Variants in CLEC2A observed in about 807,000 individuals in gnomAD.
The protein encoded by CLEC2A is C-type lectin domain family 2 member A.
A neutral mutation model predicts 18.6 loss-of-function variants in CLEC2A; 19 were observed. The ratio of observed to expected loss-of-function variants is 1.02; its 90% confidence interval spans 0.71 to 1.50. The LOEUF (loss-of-function observed/expected upper bound fraction) is 1.50, where lower values mean the gene tolerates loss of function less well. CLEC2A is among the 40% of genes most tolerant of loss of function. The pLI, the probability that CLEC2A is intolerant of heterozygous loss-of-function variation, is 0.00. For missense variants in CLEC2A, 190 were observed against 207.9 expected, an observed-to-expected ratio of 0.91 and a Z score of 0.53; for synonymous variants, 74 against 64.0, an observed-to-expected ratio of 1.16 and a Z score of -0.75.
At chr12:9,892,634 G>A in the CLEC2A span, among the ~76,000 whole-genome samples, 3 of 146,524 alleles carry the variant, frequency 2.0e-5, no homozygotes, top group Non-Finnish European at 4.5e-5. Context: ...GCCCAGGCTG[G>A]AGTGTAATGG....
At chr12:9,904,712 A>G (rs921325888) in intron 4 of CLEC2A, among the ~76,000 whole-genome samples, 7 of 152,156 alleles carry the variant, frequency 4.6e-5, no homozygotes, top group African/African-American at 1.7e-4. Flanking sequence ...CCATTCAAAT[A>G]TGGAGGGTTC....
chr12:9,916,013 A>G (rs1438176257), intron 4 of CLEC2A, among the ~76,000 whole-genome samples: 4 of 152,002 alleles, frequency 2.6e-5, no homozygotes, highest in African/African-American at 9.7e-5. Flanking sequence ...ATAATAAGGC[A>G]GAGATACATA....
downstream of CLEC2A, among the ~76,000 whole-genome samples, chr12:9,897,613 T>C (rs1862770958): frequency 1.3e-5 from 2 of 149,618 alleles, no homozygotes; most frequent in Non-Finnish European, 3.0e-5. Flanking sequence ...ACCTCACAGA[T>C]TGAATACCAG....
intron 1 of CLEC2A, among the ~76,000 whole-genome samples, chr12:9,928,317 A>T (rs961242880): frequency 6.6e-6 from 1 of 152,138 alleles, no homozygotes; most frequent in South Asian, 2.1e-4. Context: ...AACACAAAAA[A>T]TTAGCTGTGC....
chr12:9,890,391 C>G, the CLEC2A span, among the ~76,000 whole-genome samples: 1 of 150,870 alleles, frequency 6.6e-6, no homozygotes, highest in Non-Finnish European at 1.5e-5. Context: ...ACCCATCTTT[C>G]GAGAGCTGAG....
At chr12:9,886,321 C>A in the CLEC2A span, among the ~76,000 whole-genome samples, 6 of 152,008 alleles carry the variant, frequency 3.9e-5, no homozygotes, top group Non-Finnish European at 8.8e-5. Context: ...TCTCCTCTCT[C>A]CCAATAATCT....
chr12:9,879,714 A>T, the CLEC2A span, among the ~76,000 whole-genome samples: 1 of 152,196 alleles, frequency 6.6e-6, no homozygotes, highest in African/African-American at 2.4e-5. Context: ...TCCTGGTGAA[A>T]AGTAGGCAGT....
chr12:9,904,741 AT>A (rs1302847201), intron 4 of CLEC2A, among the ~76,000 whole-genome samples: 1 of 152,104 alleles, frequency 6.6e-6, no homozygotes, highest in African/African-American at 2.4e-5. Context: ...TTGTTTGGAG[AT>A]TATCTATAAT....
chr12:9,889,727 G>A, the CLEC2A span, among the ~76,000 whole-genome samples: 1 of 151,428 alleles, frequency 6.6e-6, no homozygotes, highest in Non-Finnish European at 1.5e-5. Flanking sequence ...ATTGGTTGTG[G>A]CTATGGAGAA....
the CLEC2A span, among the ~76,000 whole-genome samples, chr12:9,880,189 A>G: frequency 6.6e-6 from 1 of 152,248 alleles, no homozygotes; most frequent in African/African-American, 2.4e-5. Context: ...ACCTAACAGG[A>G]AGGATAAGCA....
intron 2 of CLEC2A, 104 bp from the exon 3 acceptor site, chr12:9,922,336 CG>C (rs1863187741): frequency 1.2e-6 from 1 of 840,896 alleles, no homozygotes; most frequent in Non-Finnish European, 1.7e-6. Flanking sequence ...GTTTGAGGCC[CG>C]TAAGTTAGCT....
intron 4 of CLEC2A, among the ~76,000 whole-genome samples, chr12:9,903,456 G>A (rs1862864202): frequency 6.6e-6 from 1 of 152,178 alleles, no homozygotes. Flanking sequence ...ATTAGTGAAG[G>A]GATCATTTAT....
At chr12:9,901,476 A>G (rs1445190192) in intron 4 of CLEC2A, among the ~76,000 whole-genome samples, 1 of 152,232 alleles carries the variant, frequency 6.6e-6, no homozygotes, top group Non-Finnish European at 1.5e-5. Context: ...AGACATTAGA[A>G]TTATAGAAAT....
intron 3 of CLEC2A, among the ~76,000 whole-genome samples, chr12:9,920,372 G>A (rs565147270): frequency 3.3e-5 from 5 of 152,292 alleles, no homozygotes; most frequent in African/African-American, 9.6e-5. Flanking sequence ...AGCTCTGTGT[G>A]TCAGACTGAA....
intron 4 of CLEC2A, among the ~76,000 whole-genome samples, chr12:9,905,240 T>C (rs112062775): frequency 1.5e-3 from 226 of 152,334 alleles, no homozygotes; most frequent in African/African-American, 5.3e-3. Flanking sequence ...TGTGTCCATC[T>C]CCTTTCAGCT....
chr12:9,921,379 A>G (rs767007022), intron 3 of CLEC2A, among the ~76,000 whole-genome samples: 8 of 152,236 alleles, frequency 5.3e-5, no homozygotes, highest in African/African-American at 1.9e-4. Flanking sequence ...GCTTGATCTC[A>G]GTTTGAGACC....
Position 9,905,053 on chromosome 12 carries a change from TA to T in CLEC2A, c.411-6078del, listed in dbSNP as rs779347759. On this transcript the variant is annotated intron_variant, in intron 4 of 4. Transcript: ENST00000339766. ...CTGAACAAGCATCAAACTCGAGGGT[TA>T]AGGGATGATTAGTTTGAGTCACATT... is the stretch of plus-strand genomic sequence containing the variant. 4.6e-5 allele frequency among the ~76,000 whole-genome samples: 7 copies of T among 152,312 alleles called. 1 individual carries two copies. The highest frequency in any genetic ancestry group is 3.9e-4 in the East Asian group (2 of 5,192).
intron 3 of CLEC2A, among the ~76,000 whole-genome samples, chr12:9,921,208 T>G (rs1431209732): frequency 6.6e-6 from 1 of 152,216 alleles, no homozygotes; most frequent in Non-Finnish European, 1.5e-5. Flanking sequence ...GAGCACACAT[T>G]GTCATACACA....
intron 4 of CLEC2A, 25 bp downstream of exon 4, chr12:9,916,675 C>T (rs370767849): frequency 1.0e-4 from 139 of 1,353,096 alleles, no homozygotes; most frequent in Non-Finnish European, 2.9e-5. Flanking sequence ...AGAATAAGAA[C>T]ATTGCTAATA....
Sources: allele counts gnomAD v4.1 joint callset (sites outside exome capture counted in the v4.1 genomes callset), GRCh38; gene constraint gnomAD v4.1.1; transcripts MANE v1.5; gene names NCBI Gene and HGNC (gene_info 2026-07-23, HGNC 2026-07-21).